Variants in PTPRN2 observed in about 807,000 individuals in gnomAD.
PTPRN2 encodes the protein protein tyrosine phosphatase receptor type N2, also known as receptor-type tyrosine-protein phosphatase N2.
In PTPRN2, 74 loss-of-function variants were observed where a neutral mutation model predicts 118.8. The ratio of observed to expected loss-of-function variants is 0.62; its 90% CI spans 0.52 to 0.76. PTPRN2 has a LOEUF of 0.76. Among genes scored for constraint, PTPRN2 ranks in the 30% least tolerant of loss-of-function variants. PTPRN2 has a pLI of 0.00. For missense variants in PTPRN2, 1,481 were observed against 1,394.4 expected (o/e 1.06, Z -0.99); for synonymous variants, 641 against 608.0 (o/e 1.05, Z -0.80).
intron 12 of PTPRN2, among the ~76,000 whole-genome samples, chr7:157,820,440 A>T (rs1806754297): frequency 6.6e-6 from 1 of 151,792 alleles, no homozygotes; most frequent in South Asian, 2.1e-4. Flanking sequence ...ACCTGCACAC[A>T]GCAGATCCCC....
chr7:157,542,372 T>C lies in PTPRN2; in HGVS notation c.2977-1587A>G, dbSNP rs533917719. Among the ~76,000 whole-genome samples the C allele has an allele frequency of 4.6e-5, 7 of 151,358 alleles. No homozygotes were observed. The East Asian group carries it at 1.4e-3, about 29-fold the overall frequency. ...GGCTTTTTGGGAAGCGAAATGCAAGTGTCATCTATCTATTTACATCTTCCG... is the reference window on the plus strand; with the variant it reads ...GGCTTTTTGGGAAGCGAAATGCAAGCGTCATCTATCTATTTACATCTTCCG... On this transcript the variant is annotated intron_variant, in intron 22 of 22. Coordinates refer to ENST00000389418, the MANE Select transcript of PTPRN2 (RefSeq NM_002847.5).
At position 158,525,224 on chromosome 7, in the gene PTPRN2, C is replaced by T. The variant is rs1824679695; in HGVS notation, c.113-35439G>A. Among the ~76,000 whole-genome samples the T allele has an allele frequency of 1.3e-5, 2 of 152,178 alleles. No homozygotes were observed. Among genetic ancestry groups the T allele is most frequent in the South Asian group, 4.1e-4 (2 of 4,830 alleles). ...GCCCTGACCGCTCTGGAAGGAAAAG[C>T]ACCTCTGGCAAGTAGTCCAGAGGTG... On this transcript the variant is annotated intron_variant, in intron 1 of 22. Transcript: ENST00000389418. This position sits in a 1 kb window ranked among gnomAD's most constrained non-coding sequence, Gnocchi z 4.1.
At chr7:158,121,859 G>A (rs73745124) in intron 9 of PTPRN2, among the ~76,000 whole-genome samples, 302 of 152,306 alleles carry the variant, frequency 2.0e-3, no homozygotes, top group African/African-American at 7.1e-3. Flanking sequence ...GGGGCATCAC[G>A]GCTCCTCTGT....
At chr7:158,149,519 C>A (rs1477647586) in intron 6 of PTPRN2, among the ~76,000 whole-genome samples, 1 of 152,080 alleles carries the variant, frequency 6.6e-6, no homozygotes, top group East Asian at 1.9e-4. Flanking sequence ...AAAAGATAAG[C>A]CCGGCTGGGC....
intron 11 of PTPRN2, among the ~76,000 whole-genome samples, chr7:158,039,542 G>C (rs1285797250): frequency 6.6e-6 from 1 of 152,196 alleles, no homozygotes; most frequent in Non-Finnish European, 1.5e-5. Flanking sequence ...AGTCTCTAGG[G>C]AAACCCAAAG....
At position 158,283,549 on chromosome 7, in the gene PTPRN2, T is replaced by C. The variant is rs1799572954; in HGVS notation, c.277+33270A>G. Among the ~76,000 whole-genome samples, 4 of 140,262 alleles carry C rather than the reference T, an allele frequency of 2.9e-5. No individual in the cohort carries two copies. In the South Asian group the frequency reaches 9.4e-4, roughly 33 times the overall value. 92.0% of individuals were successfully genotyped at this position (140,262 alleles called of 152,430 possible). On this transcript the variant is annotated intron_variant, in intron 3 of 22. Transcript: ENST00000389418. Reference sequence around the variant, plus strand: ...GCTGCCCATGGTGGAGGGAATGGCATGCAGGTGACAAGGACATAGGGACCT... The same window carrying C: ...GCTGCCCATGGTGGAGGGAATGGCACGCAGGTGACAAGGACATAGGGACCT...
chr7:157,799,868 C>T (rs1386231172), intron 12 of PTPRN2, among the ~76,000 whole-genome samples: 10 of 125,922 alleles, frequency 7.9e-5, no homozygotes, highest in Admixed American at 2.3e-4. Flanking sequence ...CGGCCCCCTC[C>T]ATCCCTCAGA....
At chr7:157,844,573 G>C (rs1808665242) in intron 12 of PTPRN2, among the ~76,000 whole-genome samples, 1 of 152,180 alleles carries the variant, frequency 6.6e-6, no homozygotes, top group African/African-American at 2.4e-5. Flanking sequence ...CCAGCCTGGG[G>C]TCCTGAAGCA....
At chr7:158,206,226 T>C (rs1478664083) in intron 3 of PTPRN2, among the ~76,000 whole-genome samples, 3 of 152,150 alleles carry the variant, frequency 2.0e-5, no homozygotes, top group Non-Finnish European at 4.4e-5. Context: ...ATCTTACAAC[T>C]TAGATAACTG....
chr7:157,811,450 A>C (rs910686044), intron 12 of PTPRN2, among the ~76,000 whole-genome samples: 8 of 151,530 alleles, frequency 5.3e-5, no homozygotes, highest in African/African-American at 1.9e-4. Context: ...GGCTGTTGGC[A>C]CAGTGCTGTG....
chr7:157,615,680 A>G lies in PTPRN2; in HGVS notation c.2344+5682T>C, dbSNP rs1802724254. On this transcript the variant is annotated intron_variant, in intron 15 of 22. Coordinates refer to ENST00000389418, the MANE Select transcript of PTPRN2 (RefSeq NM_002847.5). This position sits in a 1 kb window ranked among gnomAD's most constrained non-coding sequence, Gnocchi z 4.3. ...TTGACGACGTGAAAAACATGTTTAT[A>G]AAACGAGCAGATGGTGCCGAGCTGA... 2.2e-6 allele frequency: 1 copy of G among 456,884 alleles called. No individual in the cohort carries two copies. Among genetic ancestry groups the G allele is most frequent in the Admixed American group, 2.4e-5 (1 of 42,160 alleles). 28.3% of individuals were successfully genotyped at this position (456,884 alleles called of 1,614,324 possible).
intron 1 of PTPRN2, among the ~76,000 whole-genome samples, chr7:158,560,914 A>G (rs1827339542): frequency 6.6e-6 from 1 of 152,232 alleles, no homozygotes; most frequent in Non-Finnish European, 1.5e-5. Context: ...AATCTTGTCC[A>G]TATGTTGTTC....
intron 11 of PTPRN2, among the ~76,000 whole-genome samples, chr7:158,077,418 A>G (rs1244899146): frequency 6.6e-6 from 1 of 152,218 alleles, no homozygotes; most frequent in Non-Finnish European, 1.5e-5. Context: ...ACAGGCTGAA[A>G]GAAACAATGG....
intron 2 of PTPRN2, among the ~76,000 whole-genome samples, chr7:158,469,125 G>A (rs934328655): frequency 1.2e-5 from 1 of 82,964 alleles, no homozygotes; most frequent in African/African-American, 4.0e-5. Flanking sequence ...AACAGTGTCA[G>A]GCTTTCAGAC....
intron 13 of PTPRN2, among the ~76,000 whole-genome samples, chr7:157,662,664 G>C (rs907289918): frequency 6.6e-6 from 1 of 152,202 alleles, no homozygotes; most frequent in Non-Finnish European, 1.5e-5. Context: ...AGGTGCGTAA[G>C]AGCTTCCACG....
chr7:157,685,180 G>A (rs1797118548), intron 12 of PTPRN2, among the ~76,000 whole-genome samples: 1 of 151,622 alleles, frequency 6.6e-6, no homozygotes, highest in East Asian at 2.0e-4. Flanking sequence ...GGCGCCCGCC[G>A]CCCTCCCACC....
At chr7:157,654,687 T>C (rs1481861930) in intron 14 of PTPRN2, among the ~76,000 whole-genome samples, 3 of 152,174 alleles carry the variant, frequency 2.0e-5, no homozygotes, top group Non-Finnish European at 4.4e-5. Flanking sequence ...CCAGCAGAAG[T>C]GGTGCTTGCT....
At chr7:158,270,020 C>T (rs184294776) in intron 3 of PTPRN2, among the ~76,000 whole-genome samples, 1 of 152,230 alleles carries the variant, frequency 6.6e-6, no homozygotes, top group African/African-American at 2.4e-5. Flanking sequence ...GTTGCCCGTC[C>T]ACTCTCTGCC....
At chr7:157,594,911 C>T (rs1200890912) in intron 17 of PTPRN2, among the ~76,000 whole-genome samples, 1 of 152,202 alleles carries the variant, frequency 6.6e-6, no homozygotes, top group Non-Finnish European at 1.5e-5. Context: ...ATCATAACAA[C>T]GCCATGGACA....
Sources: gnomAD v4.1 joint callset for allele counts (sites outside exome capture counted in the v4.1 genomes callset) on GRCh38, gnomAD v4.1.1 for gene constraint, Gnocchi (gnomAD v3.1) non-coding constraint, MANE v1.5 for transcripts, NCBI Gene and HGNC (gene_info 2026-07-23, HGNC 2026-07-21) for gene names.